MADD: variants seen among roughly 807,000 people sequenced by gnomAD.
The protein encoded by MADD is MAP kinase-activating death domain protein.
Under a neutral mutation model 176.7 loss-of-function variants are expected in MADD, and 109 were observed. The ratio of observed to expected loss-of-function variants is 0.62; its 90% CI spans 0.53 to 0.72. The LOEUF (loss-of-function observed/expected upper bound fraction) is 0.72. MADD is among the 30% of genes least tolerant of loss of function. The pLI, the probability that MADD is intolerant of heterozygous loss-of-function variation, is 0.00. For synonymous variants in MADD, 771 were observed against 771.3 expected, an observed-to-expected ratio of 1.00 and a Z score of 0.01; for missense variants, 1,914 against 2,045.5, an observed-to-expected ratio of 0.94 and a Z score of 1.24.
At chr11:47,282,285 C>G in intron 8 of MADD, 96 bp from the exon 9 acceptor site, 1 of 905,354 alleles carries the variant, frequency 1.1e-6, no homozygotes, top group Admixed American at 1.9e-5. Context: ...TGTTGGAAGC[C>G]TGTTAAGTGA....
intron 10 of MADD, among the ~76,000 whole-genome samples, chr11:47,283,171 G>T (rs555516022): frequency 3.3e-4 from 51 of 152,278 alleles, no homozygotes; most frequent in Non-Finnish European, 7.1e-4. Context: ...TCGGCTCACT[G>T]CCAGCTCCGC....
chr11:47,306,097 A>C (rs2082382306), intron 22 of MADD, among the ~76,000 whole-genome samples: 1 of 152,158 alleles, frequency 6.6e-6, no homozygotes, highest in Non-Finnish European at 1.5e-5. Flanking sequence ...TCTTCACCTT[A>C]GGCACCAGGG....
chr11:47,317,254 T>C (rs1463198258), intron 27 of MADD, among the ~76,000 whole-genome samples: 2 of 152,210 alleles, frequency 1.3e-5, no homozygotes, highest in Non-Finnish European at 2.9e-5. Context: ...CTTCCAAATT[T>C]GCTGTTACTG....
At chr11:47,277,759 CAG>C (rs559331975) in intron 5 of MADD, among the ~76,000 whole-genome samples, 169 of 152,248 alleles carry the variant, frequency 1.1e-3, no homozygotes, top group African/African-American at 2.4e-3. Context: ...AGGCTGGACA[CAG>C]GGGTGATTCA....
chr11:47,324,134 C>G lies in MADD; in HGVS notation c.4363-131C>G, dbSNP rs527652819. ...TAACCTCAACAATGAATAAGACATC[C>G]GAAAAATAGGAGGACTACTTAAAAT... On this transcript the variant is annotated intron_variant, in intron 28 of 32. Transcript: ENST00000402192. 1.8e-5 allele frequency: 14 copies of G among 765,302 alleles called. No individual in the cohort carries two copies. In the South Asian group the frequency reaches 2.1e-4, roughly 11 times the overall value. 47.4% of individuals were successfully genotyped at this position (765,302 alleles called of 1,614,324 possible).
chr11:47,319,868 T>C (rs1031303780), intron 27 of MADD, among the ~76,000 whole-genome samples: 1 of 151,600 alleles, frequency 6.6e-6, no homozygotes, highest in Non-Finnish European at 1.5e-5. Flanking sequence ...GGCAGGCGCC[T>C]GCAATCCCAG....
exon 33 of MADD, chr11:47,329,213 G>A (rs1441038552): frequency 5.7e-6 from 7 of 1,217,536 alleles, no homozygotes; most frequent in Admixed American, 1.7e-5. Flanking sequence ...CTGTTCCCAA[G>A]TGCACGATGC....
At position 47,326,587 on chromosome 11, in the gene MADD, G is replaced by A. The variant is rs115051160; in HGVS notation, c.4543-151G>A. The A allele has an allele frequency of 4.8e-5, 69 of 1,429,696 alleles. No homozygotes were observed. In the African/African-American group the frequency reaches 8.1e-4, roughly 17 times the overall value. 88.6% of individuals were successfully genotyped at this position (1,429,696 alleles called of 1,614,324 possible). A position where few individuals can be genotyped will look rare whatever the true frequency, so the allele number is the denominator to read the frequency against. ...CTTTCTGCTATCTTCGCTTCTTAGC[G>A]CTTTTGAGTTGTGTGCGTGTGGATT... On this transcript the variant is annotated intron_variant, in intron 30 of 32. Coordinates refer to ENST00000402192, the Ensembl canonical transcript of MADD.
At chr11:47,308,596 A>G (rs150304498) in exon 23 of MADD, 59 of 1,613,530 alleles carry the variant, frequency 3.7e-5, no homozygotes, top group Non-Finnish European at 4.9e-5. Flanking sequence ...TCTAGGGTAA[A>G]GCCCACAGCT....
intron 22 of MADD, 34 bp from the exon 25 acceptor site, chr11:47,308,557 C>T (rs182514431): frequency 2.6e-6 from 4 of 1,540,330 alleles, no homozygotes; most frequent in African/African-American, 1.4e-5. Context: ...TCATTGCTAC[C>T]TCTGGCCACT....
rs571847027 is a variant in MADD, at chr11:47,278,919, C to T, written c.1210-80C>T. 4.9e-5 allele frequency: 56 copies of T among 1,143,242 alleles called. 1 individual carries two copies. Among genetic ancestry groups the T allele is most frequent in the East Asian group, 4.1e-4 (17 of 41,190 alleles). The allele number at this position is 1,143,242 out of a possible 1,614,324, so 70.8% of individuals were successfully genotyped here. On this transcript the variant is annotated intron_variant, in intron 6 of 32. Coordinates refer to ENST00000402192, the Ensembl canonical transcript of MADD. ...TTATATAATAATAATGTATATACGT[C>T]CTCTTATTTTTATTTATGTAAGTGA...
intron 9 of MADD, 28 bp from the exon 10 acceptor site, chr11:47,282,785 C>T: frequency 6.2e-7 from 1 of 1,607,348 alleles, no homozygotes; most frequent in Non-Finnish European, 8.5e-7. Context: ...TTGCTGCTGA[C>T]TTTCTGTTCT....
chr11:47,295,741 C>T, intron 21 of MADD, 156 bp from the exon 24 acceptor site: 1 of 985,370 alleles, frequency 1.0e-6, no homozygotes, highest in Non-Finnish European at 1.2e-6. Flanking sequence ...AGATTTCACC[C>T]AGAGCTTCTC....
At position 47,274,432 on chromosome 11, in the gene MADD, A is replaced by G. The variant is rs1366046372; in HGVS notation, c.63-131A>G. 3 of 767,616 alleles carry G rather than the reference A, an allele frequency of 3.9e-6. No homozygotes were observed. In the African/African-American group the frequency reaches 5.2e-5, roughly 13 times the overall value. 47.6% of individuals were successfully genotyped at this position (767,616 alleles called of 1,614,324 possible). On this transcript the variant is annotated intron_variant, in intron 2 of 32. Coordinates refer to ENST00000402192, the Ensembl canonical transcript of MADD. Reference sequence around the variant, plus strand: ...GCTCCATGCGGCAGGCAGCACCCATATTTTCCAAGGTGTTACAGTCAGGTT... The same window carrying G: ...GCTCCATGCGGCAGGCAGCACCCATGTTTTCCAAGGTGTTACAGTCAGGTT...
chr11:47,274,980 A>G (rs1370159573), exon 3 of MADD: 2 of 1,613,988 alleles, frequency 1.2e-6, no homozygotes, highest in Admixed American at 1.7e-5. Context: ...CTCGGGGCAA[A>G]CGCCGGGCCA....
intron 15 of MADD, among the ~76,000 whole-genome samples, chr11:47,288,323 G>A (rs1162152452): frequency 6.6e-6 from 1 of 152,138 alleles, no homozygotes; most frequent in African/African-American, 2.4e-5. Context: ...AAAGTTGTCA[G>A]GAGTCTAAGA....
intron 22 of MADD, among the ~76,000 whole-genome samples, chr11:47,300,228 A>G: frequency 7.3e-6 from 1 of 137,202 alleles, no homozygotes; most frequent in Non-Finnish European, 1.5e-5. Flanking sequence ...TTTTTTTAAG[A>G]CGGAGTCTTG....
At chr11:47,295,962 A>C (rs764386193) in exon 22 of MADD, 4 of 1,613,978 alleles carry the variant, frequency 2.5e-6, no homozygotes, top group Non-Finnish European at 3.4e-6. Flanking sequence ...CAGGTGATGG[A>C]CCAGGTGGCG....
intron 14 of MADD, 93 bp downstream of exon 14, chr11:47,285,683 T>C: frequency 3.2e-6 from 5 of 1,556,266 alleles, no homozygotes; most frequent in Non-Finnish European, 4.4e-6. Flanking sequence ...ACTTCACATG[T>C]AGGGCTAGGT....
Sources: gnomAD v4.1 joint callset for allele counts (sites outside exome capture counted in the v4.1 genomes callset) on GRCh38, gnomAD v4.1.1 for gene constraint, MANE v1.5 for transcripts, NCBI Gene and HGNC (gene_info 2026-07-23, HGNC 2026-07-21) for gene names.